DHX35: variants seen among roughly 807,000 people sequenced by gnomAD.
DHX35 encodes the protein probable ATP-dependent RNA helicase DHX35.
In DHX35, 84 loss-of-function variants were observed where a neutral mutation model predicts 99.6. The observed-to-expected ratio is 0.84, with a 90% confidence interval of 0.71 to 1.01. The LOEUF (loss-of-function observed/expected upper bound fraction) is 1.01, where lower values mean the gene tolerates loss of function less well. Among genes scored for constraint, DHX35 ranks in the 50% least tolerant of loss-of-function variants. The pLI, the probability that DHX35 is intolerant of heterozygous loss-of-function variation, is 0.00. For synonymous variants in DHX35, 331 were observed against 316.2 expected (o/e 1.05, Z -0.50); for missense variants, 852 against 888.5 (o/e 0.96, Z 0.52).
intron 18 of DHX35, among the ~76,000 whole-genome samples, chr20:39,025,958 A>G (rs982437335): frequency 2.6e-5 from 4 of 152,160 alleles, no homozygotes; most frequent in Admixed American, 6.5e-5. Flanking sequence ...TCATTTTACA[A>G]TTAGTCGTAA....
At chr20:38,972,708 A>G (rs1413304001) in intron 3 of DHX35, 57 bp downstream of exon 3, 4 of 1,173,822 alleles carry the variant, frequency 3.4e-6, no homozygotes. Context: ...AGAATTTTGT[A>G]ACTTGAGAGC....
In DHX35 at chr20:39,001,282, C is replaced by G. The variant is rs116653983; in HGVS notation, c.643-448C>G. Among the ~76,000 whole-genome samples the G allele has an allele frequency of 6.0e-3, 914 of 152,294 alleles. 11 individuals carry two copies. The highest frequency in any genetic ancestry group is 0.019 in the African/African-American group (786 of 41,562). On this transcript the variant is annotated intron_variant, in intron 8 of 21. Coordinates refer to ENST00000252011, the MANE Select transcript of DHX35 (RefSeq NM_021931.4). The stretch of plus-strand genomic sequence containing the variant: ...TGGGGCCGGAAACACACCTACTGTT[C>G]ACAGAAGGAAAAGTTTCCTATCAAA...
At chr20:38,984,320 T>C (rs967141540) in intron 4 of DHX35, among the ~76,000 whole-genome samples, 2 of 152,234 alleles carry the variant, frequency 1.3e-5, no homozygotes, top group African/African-American at 2.4e-5. Flanking sequence ...AACAATATAT[T>C]TTTAAAACCC....
At chr20:38,978,567 G>T in intron 3 of DHX35, 1 of 299,958 alleles carries the variant, frequency 3.3e-6, no homozygotes, top group Admixed American at 4.6e-5. Flanking sequence ...AATTGTTTGA[G>T]CACCTTATAT....
intron 18 of DHX35, among the ~76,000 whole-genome samples, chr20:39,028,204 T>C (rs914471557): frequency 6.6e-6 from 1 of 152,144 alleles, no homozygotes. Flanking sequence ...AGCATTGTTG[T>C]CAGCAGCAGT....
At chr20:39,021,791 C>G (rs988594994) in intron 15 of DHX35, 50 bp from the exon 16 acceptor site, 3 of 1,566,318 alleles carry the variant, frequency 1.9e-6, no homozygotes, top group Non-Finnish European at 2.6e-6. Context: ...TCTTTCACTT[C>G]TTGTTGGCAC....
intron 2 of DHX35, among the ~76,000 whole-genome samples, chr20:38,971,206 T>G (rs2085990783): frequency 1.3e-5 from 2 of 152,028 alleles, no homozygotes; most frequent in Non-Finnish European, 2.9e-5. Context: ...TATAAAAAAT[T>G]AGCCGGGCGT....
At chr20:39,003,700 T>C in intron 10 of DHX35, 49 bp from the exon 11 acceptor site, 2 of 1,572,534 alleles carry the variant, frequency 1.3e-6, no homozygotes, top group South Asian at 1.2e-5. Context: ...TAAAATAGCA[T>C]GCTTTAAATT....
At chr20:38,962,431 G>C in intron 1 of DHX35, 24 bp downstream of exon 1, 1 of 1,609,858 alleles carries the variant, frequency 6.2e-7, no homozygotes, top group Non-Finnish European at 8.5e-7. Flanking sequence ...TGGAACGCTG[G>C]GCAGATGCGG....
At chr20:38,962,439 C>T in intron 1 of DHX35, 32 bp downstream of exon 1, 1 of 1,607,354 alleles carries the variant, frequency 6.2e-7, no homozygotes, top group Middle Eastern at 1.7e-4. Context: ...TGGGCAGATG[C>T]GGCGGCCTGA....
Position 39,021,905 on chromosome 20 carries a change from T to G in DHX35, c.1563T>G (p.Phe521Leu). 4 of 1,614,176 alleles carry G rather than the reference T, an allele frequency of 2.5e-6. No homozygotes were observed. Among genetic ancestry groups the G allele is most frequent in the Non-Finnish European group, 3.4e-6 (4 of 1,180,010 alleles). The change falls in exon 16 of 22, where the codon TTT becomes TTG. Residue 521 changes from phenylalanine to leucine, a missense_variant. By Grantham distance (22) the Phe-to-Leu change is conservative. Transcript: ENST00000252011. Reference protein sequence around the residue: ...IAAMMQIQNIFVVPPNQKSHA... With the variant: ...IAAMMQIQNILVVPPNQKSHA... ...CCATGATGCAGATCCAGAATATCTT[T>G]GTGGTCCCCCCAAACCAGAAGTCTC...
rs894820958 is a variant in DHX35 at position 39,037,451 on chromosome 20, G to A, written c.2068-1048G>A. ...GAGTTCTTGTAGCTCATTTATACCCGGGTCCTGTTCGCTCTGTTGTCTCTC... is the reference window on the plus strand; with the variant it reads ...GAGTTCTTGTAGCTCATTTATACCCAGGTCCTGTTCGCTCTGTTGTCTCTC... On this transcript the variant is annotated intron_variant, in intron 21 of 21. Transcript: ENST00000252011. Among the ~76,000 whole-genome samples, 7 of 152,082 alleles carry A rather than the reference G, an allele frequency of 4.6e-5. 1 individual carries two copies. Among genetic ancestry groups the A allele is most frequent in the Admixed American group, 2.6e-4 (4 of 15,274 alleles).
At chr20:38,984,342 A>G (rs531253728) in intron 4 of DHX35, among the ~76,000 whole-genome samples, 5 of 152,206 alleles carry the variant, frequency 3.3e-5, no homozygotes, top group Non-Finnish European at 4.4e-5. Context: ...AAATTTCACC[A>G]TCCAACATAA....
intron 1 of DHX35, among the ~76,000 whole-genome samples, chr20:38,963,976 A>T (rs1304939116): frequency 6.6e-6 from 1 of 152,236 alleles, no homozygotes; most frequent in Non-Finnish European, 1.5e-5. Flanking sequence ...TCAAAGTCTC[A>T]GTTACTCCAT....
intron 8 of DHX35, among the ~76,000 whole-genome samples, chr20:39,000,327 G>A (rs944982422): frequency 1.3e-5 from 2 of 152,172 alleles, no homozygotes; most frequent in Admixed American, 6.5e-5. Flanking sequence ...CTCTTTGCAC[G>A]TCTGCCTTCT....
At chr20:38,993,062 A>G (rs1394093578) in intron 7 of DHX35, among the ~76,000 whole-genome samples, 3 of 152,094 alleles carry the variant, frequency 2.0e-5, no homozygotes, top group Non-Finnish European at 4.4e-5. Flanking sequence ...CTCCCTTCCC[A>G]TATTTTCTGA....
At chr20:39,015,025 T>C in intron 14 of DHX35, 91 bp downstream of exon 14, 1 of 1,437,492 alleles carries the variant, frequency 7.0e-7, no homozygotes, top group Non-Finnish European at 9.8e-7. Flanking sequence ...TTTTAGTATC[T>C]TCAGGAATGG....
At chr20:38,985,374 CAAAAA>C (rs58084339) in intron 4 of DHX35, among the ~76,000 whole-genome samples, 1 of 73,966 alleles carries the variant, frequency 1.4e-5, no homozygotes, top group Non-Finnish European at 3.0e-5. Context: ...ACCCTATCTC[CAAAAA>C]AAAAAAAAAA....
intron 1 of DHX35, among the ~76,000 whole-genome samples, 198 bp from the exon 2 acceptor site, chr20:38,968,883 G>T (rs2085950059): frequency 6.6e-6 from 1 of 152,156 alleles, no homozygotes; most frequent in Non-Finnish European, 1.5e-5. Context: ...CTGCAGTGAA[G>T]CTTTTAGGGA....
Sources: gnomAD v4.1 joint callset for allele counts (sites outside exome capture counted in the v4.1 genomes callset) on GRCh38, gnomAD v4.1.1 for gene constraint, MANE v1.5 for transcripts, NCBI Gene and HGNC (gene_info 2026-07-23, HGNC 2026-07-21) for gene names.